The following PTPRD variants were observed in gnomAD, a reference collection of about 807,000 sequenced individuals.
PTPRD encodes receptor-type tyrosine-protein phosphatase delta.
A neutral mutation model predicts 214.5 loss-of-function variants in PTPRD; 34 were observed. That is an observed-to-expected ratio of 0.16 (90% confidence interval 0.12 to 0.21). The LOEUF is 0.21. Ranked by LOEUF, PTPRD falls within the 10% of genes least tolerant of loss-of-function variation. The pLI is 1.00. For missense variants in PTPRD, 2,545 were observed against 2,398.7 expected (o/e 1.06, Z -1.27); for synonymous variants, 1,128 against 845.7 (o/e 1.33, Z -5.79).
At chr9:10,312,400 A>G (rs2096290501) in intron 3 of PTPRD, among the ~76,000 whole-genome samples, 1 of 151,986 alleles carries the variant, frequency 6.6e-6, no homozygotes. Context: ...AGGAATATGG[A>G]AGTATTGATT....
chr9:8,754,633 T>C (rs2093823215), intron 11 of PTPRD, among the ~76,000 whole-genome samples: 1 of 152,242 alleles, frequency 6.6e-6, no homozygotes. Flanking sequence ...AGATAAATAA[T>C]ACATCTTATA....
intron 3 of PTPRD, among the ~76,000 whole-genome samples, chr9:10,243,054 T>C (rs1297719702): frequency 6.6e-6 from 1 of 152,000 alleles, no homozygotes; most frequent in East Asian, 1.9e-4. Context: ...ATAACTTTGA[T>C]TTACACAGCC....
chr9:9,195,950 C>G (rs1173758804), intron 9 of PTPRD, among the ~76,000 whole-genome samples: 1 of 152,052 alleles, frequency 6.6e-6, no homozygotes, highest in Non-Finnish European at 1.5e-5. Context: ...TCTGAGAATT[C>G]TAAACTCTTC....
chr9:9,949,513 C>A (rs769492667), intron 4 of PTPRD, among the ~76,000 whole-genome samples: 2 of 152,034 alleles, frequency 1.3e-5, no homozygotes, highest in Admixed American at 1.3e-4. Context: ...TGCAACAGCC[C>A]TCGTAGGGAG....
chr9:9,272,380 T>A (rs1481552459), intron 9 of PTPRD, among the ~76,000 whole-genome samples: 1 of 151,194 alleles, frequency 6.6e-6, no homozygotes, highest in Non-Finnish European at 1.5e-5. Context: ...TCCAAAATAT[T>A]TCCAAAATTT....
chr9:8,390,568 G>C (rs1311475761), intron 36 of PTPRD, among the ~76,000 whole-genome samples: 2 of 151,896 alleles, frequency 1.3e-5, no homozygotes, highest in Non-Finnish European at 2.9e-5. Flanking sequence ...TGCCTATTTT[G>C]ACCATGTCTC....
chr9:8,373,846 A>C (rs10815841), intron 39 of PTPRD, among the ~76,000 whole-genome samples: 1 of 113,286 alleles, frequency 8.8e-6, no homozygotes, highest in Non-Finnish European at 1.7e-5. Context: ...GTATGTATGT[A>C]TGTGTATGTG....
At chr9:8,355,675 C>A (rs190880712) in intron 39 of PTPRD, among the ~76,000 whole-genome samples, 293 of 152,272 alleles carry the variant, frequency 1.9e-3, no homozygotes, top group African/African-American at 6.8e-3. Flanking sequence ...TTCTATGTAT[C>A]AATCGCCATG....
chr9:10,162,017 G>A (rs1404662744), intron 3 of PTPRD, among the ~76,000 whole-genome samples: 1 of 151,448 alleles, frequency 6.6e-6, no homozygotes, highest in African/African-American at 2.4e-5. Context: ...TAGTTAAAAT[G>A]GTATTTATAA....
chr9:8,412,960 T>C (rs2093641351), intron 35 of PTPRD, among the ~76,000 whole-genome samples: 1 of 152,168 alleles, frequency 6.6e-6, no homozygotes, highest in South Asian at 2.1e-4. Context: ...AAACAAATTA[T>C]GAATGAATAG....
chr9:8,730,613 T>C (rs2098646811), intron 12 of PTPRD, among the ~76,000 whole-genome samples: 1 of 152,230 alleles, frequency 6.6e-6, no homozygotes, highest in South Asian at 2.1e-4. Context: ...GCATTTAGTT[T>C]TTCTTTTTTA....
intron 11 of PTPRD, among the ~76,000 whole-genome samples, chr9:8,845,127 T>A (rs1288179495): frequency 6.1e-5 from 9 of 147,826 alleles, no homozygotes. Context: ...GGAACACAAG[T>A]GAGTGAGTGA....
chr9:9,580,066 T>C (rs776711528), intron 7 of PTPRD, among the ~76,000 whole-genome samples: 1 of 152,176 alleles, frequency 6.6e-6, no homozygotes, highest in African/African-American at 2.4e-5. Context: ...TTCCATACTA[T>C]TGTGTGTGTA....
At chr9:8,473,811 C>CT (rs2096708809) in intron 30 of PTPRD, among the ~76,000 whole-genome samples, 1 of 152,166 alleles carries the variant, frequency 6.6e-6, no homozygotes, top group African/African-American at 2.4e-5. Context: ...TATCCACAAC[C>CT]TTTTTTCTCC....
At chr9:9,909,069 A>C (rs1280860660) in intron 5 of PTPRD, among the ~76,000 whole-genome samples, 1 of 76,812 alleles carries the variant, frequency 1.3e-5, no homozygotes, top group Admixed American at 1.4e-4. Context: ...TCCAGGATTG[A>C]AAAAGCAACT....
chr9:10,530,983 T>A (rs2056091605), intron 2 of PTPRD, among the ~76,000 whole-genome samples: 1 of 151,914 alleles, frequency 6.6e-6, no homozygotes, highest in Non-Finnish European at 1.5e-5. Context: ...AGATTCTTGC[T>A]CTGTCAGCCA....
intron 14 of PTPRD, among the ~76,000 whole-genome samples, chr9:8,574,922 CTTCA>C (rs1397694038): frequency 2.0e-5 from 3 of 151,988 alleles, no homozygotes; most frequent in Non-Finnish European, 4.4e-5. Flanking sequence ...GAAGAAATGG[CTTCA>C]TTAATTAAAA....
At chr9:9,118,088 G>A (rs2099814067) in intron 10 of PTPRD, among the ~76,000 whole-genome samples, 1 of 152,148 alleles carries the variant, frequency 6.6e-6, no homozygotes, top group African/African-American at 2.4e-5. Flanking sequence ...CTGGCAGGTT[G>A]GACAGAGAAA....
chr9:9,508,293 T>C (rs1471064031), intron 8 of PTPRD, among the ~76,000 whole-genome samples: 1 of 151,554 alleles, frequency 6.6e-6, no homozygotes, highest in Non-Finnish European at 1.5e-5. Context: ...TAATGAGCAA[T>C]ACACAGGCAC....
Sources: allele counts gnomAD v4.1 joint callset (sites outside exome capture counted in the v4.1 genomes callset), GRCh38; gene constraint gnomAD v4.1.1; transcripts MANE v1.5; gene names NCBI Gene and HGNC (gene_info 2026-07-23, HGNC 2026-07-21).